The following PCGF5 variants were observed in gnomAD, a reference collection of about 807,000 sequenced individuals.
PCGF5 encodes the protein polycomb group RING finger protein 5.
A neutral mutation model predicts 44.3 loss-of-function variants in PCGF5; 9 were observed. The observed-to-expected ratio is 0.20, with a 90% CI of 0.12 to 0.35. The LOEUF (loss-of-function observed/expected upper bound fraction) is 0.35, where lower values mean the gene tolerates loss of function less well. Ranked by LOEUF, PCGF5 falls within the 10% of genes least tolerant of loss-of-function variation. The pLI is 1.00. For synonymous variants in PCGF5, 95 were observed against 102.5 expected, an observed-to-expected ratio of 0.93 and a Z score of 0.44; for missense variants, 146 against 305.3, an observed-to-expected ratio of 0.48 and a Z score of 3.89.
At chr10:91,185,736 C>T (rs1010107992) in intron 1 of PCGF5, among the ~76,000 whole-genome samples, 4 of 152,190 alleles carry the variant, frequency 2.6e-5, no homozygotes, top group African/African-American at 9.7e-5. Context: ...AAGGGTTCTC[C>T]TGACCCGGGA....
At chr10:91,227,505 T>C in intron 2 of PCGF5, 1 of 1,265,230 alleles carries the variant, frequency 7.9e-7, no homozygotes, top group Non-Finnish European at 1.0e-6. Context: ...CCTGCTGGTC[T>C]CTCTCTTTAA....
chr10:91,218,215 A>G (rs1344493986), upstream of PCGF5, among the ~76,000 whole-genome samples: 1 of 152,218 alleles, frequency 6.6e-6, no homozygotes, highest in Admixed American at 6.5e-5. Context: ...CTCTGTAATT[A>G]TGAATTCACC....
At chr10:91,238,601 C>CTTTTCTTTCTTT (rs1845235491) in intron 2 of PCGF5, among the ~76,000 whole-genome samples, 1 of 58,438 alleles carries the variant, frequency 1.7e-5, no homozygotes, top group African/African-American at 7.0e-5. Flanking sequence ...TTCTTTCTTT[C>CTTTTCTTTCTTT]TTTTTTTTTT....
At chr10:91,171,323 T>C (rs1443303236) in intron 1 of PCGF5, among the ~76,000 whole-genome samples, 1 of 152,158 alleles carries the variant, frequency 6.6e-6, no homozygotes, top group African/African-American at 2.4e-5. Context: ...GGTTGGTTTT[T>C]TTATATTGAT....
chr10:91,256,379 G>A (rs1439462208), intron 6 of PCGF5, among the ~76,000 whole-genome samples: 10 of 151,982 alleles, frequency 6.6e-5, no homozygotes, highest in Non-Finnish European at 1.5e-4. Context: ...TAAATGAATT[G>A]AGATTATTCA....
chr10:91,235,707 A>G (rs1049828673), intron 2 of PCGF5, among the ~76,000 whole-genome samples: 1 of 152,182 alleles, frequency 6.6e-6, no homozygotes, highest in Non-Finnish European at 1.5e-5. Flanking sequence ...TGTTTTCTCA[A>G]TAGTGAATAA....
chr10:91,224,097 A>G (rs535266124), intron 2 of PCGF5, among the ~76,000 whole-genome samples: 1 of 152,346 alleles, frequency 6.6e-6, no homozygotes, highest in East Asian at 1.9e-4. Context: ...CATTTATGTT[A>G]CATTTATTTT....
chr10:91,211,931 A>G (rs1163801548), intron 1 of PCGF5, among the ~76,000 whole-genome samples: 3 of 152,172 alleles, frequency 2.0e-5, no homozygotes, highest in African/African-American at 7.2e-5. Flanking sequence ...CAGCACTAGA[A>G]TGGTTCAGGA....
chr10:91,184,546 T>C (rs776541620), intron 1 of PCGF5, among the ~76,000 whole-genome samples: 22 of 152,342 alleles, frequency 1.4e-4, no homozygotes, highest in Non-Finnish European at 2.5e-4. Context: ...TTCTGAATTC[T>C]ACTTCTGTCA....
At chr10:91,227,837 T>C in intron 2 of PCGF5, 1 of 986,774 alleles carries the variant, frequency 1.0e-6, no homozygotes, top group Non-Finnish European at 1.2e-6. Context: ...GCCTCCTCTG[T>C]GCCCAGCTAG....
At chr10:91,156,316 G>A in the PCGF5 span, among the ~76,000 whole-genome samples, 12 of 152,234 alleles carry the variant, frequency 7.9e-5, no homozygotes, top group African/African-American at 1.2e-4. Context: ...TTTTAGCATC[G>A]TCAGCAGGCA....
chr10:91,214,599 C>T (rs924080697), intron 1 of PCGF5, among the ~76,000 whole-genome samples: 4 of 152,156 alleles, frequency 2.6e-5, no homozygotes, highest in South Asian at 2.1e-4. Context: ...CAAAACAAAA[C>T]GCAGCATTAA....
intron 1 of PCGF5, among the ~76,000 whole-genome samples, chr10:91,175,544 C>G (rs1356942378): frequency 6.6e-6 from 1 of 152,182 alleles, no homozygotes; most frequent in Non-Finnish European, 1.5e-5. Context: ...TCCCCCTACC[C>G]CTGTGAACAT....
intron 1 of PCGF5, among the ~76,000 whole-genome samples, chr10:91,172,426 A>C (rs2133171573): frequency 6.6e-6 from 1 of 152,118 alleles, no homozygotes; most frequent in African/African-American, 2.4e-5. Context: ...TTCAGAGAAA[A>C]AAAAAATGCC....
intron 1 of PCGF5, among the ~76,000 whole-genome samples, chr10:91,163,909 C>T (rs1033835517): frequency 6.6e-6 from 1 of 152,148 alleles, no homozygotes; most frequent in Admixed American, 6.5e-5. Context: ...GGGCAGCGGC[C>T]GAAACGTGCT....
At chr10:91,264,650 A>C in intron 8 of PCGF5, 130 bp downstream of exon 8, 2 of 654,642 alleles carry the variant, frequency 3.1e-6, no homozygotes, top group South Asian at 4.1e-5. Flanking sequence ...TTTTCTTGCT[A>C]CTGTTTCTCC....
upstream of PCGF5, chr10:91,220,498 G>A (rs1844637999): frequency 6.6e-6 from 1 of 152,510 alleles, no homozygotes; most frequent in African/African-American, 2.4e-5. Flanking sequence ...AGCTGCACCT[G>A]CGAGCAGCGC....
upstream of PCGF5, among the ~76,000 whole-genome samples, chr10:91,158,982 G>C (rs1019331014): frequency 6.6e-6 from 1 of 152,156 alleles, no homozygotes; most frequent in African/African-American, 2.4e-5. Context: ...AGTATGCTAA[G>C]ATTGCTGAGG....
At position 91,240,500 on chromosome 10, in the gene PCGF5, T is replaced by C. The variant is rs148710899; in HGVS notation, c.129T>C (p.Ile43=). The change falls in exon 3 of 10, where the codon ATT becomes ATC. Residue 43 remains isoleucine (I), a synonymous_variant. Coordinates refer to ENST00000336126, the MANE Select transcript of PCGF5 (RefSeq NM_032373.5). ...TCTTCTTAGTCTGTAAGACTTGTAT[T>C]GTTCAGCACTTTGAAGATAGCAATG... ...ECLHTFCKTC[I]VQHFEDSNDC... 4.4e-4 allele frequency: 707 copies of C among 1,609,292 alleles called. 1 individual carries two copies. The African/African-American group carries it at 8.2e-3, about 19-fold the overall frequency.
Sources: allele counts gnomAD v4.1 joint callset (sites outside exome capture counted in the v4.1 genomes callset), GRCh38; gene constraint gnomAD v4.1.1; transcripts MANE v1.5; gene names NCBI Gene and HGNC (gene_info 2026-07-23, HGNC 2026-07-21).